RTL4: variants seen among roughly 807,000 people sequenced by gnomAD.
RTL4 encodes retrotransposon Gag like 4.
A neutral mutation model predicts 5.3 loss-of-function variants in RTL4; 4 were observed. The observed-to-expected ratio is 0.75, with a 90% confidence interval of 0.37 to 1.72. The LOEUF is 1.72. Ranked by LOEUF, RTL4 falls within the 40% of genes most tolerant of loss-of-function variation. RTL4 has a pLI of 0.04. For missense variants in RTL4, 260 were observed against 227.1 expected, an observed-to-expected ratio of 1.14 and a Z score of -0.93; for synonymous variants, 98 against 87.3, an observed-to-expected ratio of 1.12 and a Z score of -0.68.
chrX:112,393,147 C>CT, the RTL4 span, among the ~76,000 whole-genome samples: 5,276 of 81,153 alleles, frequency 0.065, 437 homozygotes, highest in African/African-American at 0.23. Context: ...TTCTTTCTTT[C>CT]TTTTTTTTTT....
the RTL4 span, among the ~76,000 whole-genome samples, chrX:112,140,403 A>G: frequency 3.1e-3 from 347 of 112,007 alleles, 2 homozygotes; most frequent in African/African-American, 0.011. Context: ...CTAGAAATGT[A>G]TATGTCTTAG....
chrX:112,188,233 C>A, the RTL4 span, among the ~76,000 whole-genome samples: 2 of 111,455 alleles, frequency 1.8e-5, no homozygotes, highest in Non-Finnish European at 3.8e-5. Flanking sequence ...TGACTCCAAA[C>A]CCTCTGCTCA....
the RTL4 span, among the ~76,000 whole-genome samples, chrX:112,185,402 T>TATATATAC: frequency 6.1e-5 from 6 of 97,889 alleles, no homozygotes; most frequent in Admixed American, 1.1e-4. Context: ...TATATATATA[T>TATATATAC]ACACACACAC....
At chrX:112,373,582 TA>T in the RTL4 span, among the ~76,000 whole-genome samples, 3 of 110,526 alleles carry the variant, frequency 2.7e-5, no homozygotes, top group African/African-American at 9.9e-5. Context: ...AGTATCTTTT[TA>T]AAAAGTCCAA....
chrX:112,445,572 CA>C, the RTL4 span, among the ~76,000 whole-genome samples: 1 of 111,689 alleles, frequency 9.0e-6, no homozygotes, highest in East Asian at 2.8e-4. Flanking sequence ...AACTTAAATC[CA>C]GATCTGACTC....
chrX:112,284,596 C>T, the RTL4 span, among the ~76,000 whole-genome samples: 2 of 111,241 alleles, frequency 1.8e-5, no homozygotes, highest in African/African-American at 3.3e-5. Context: ...ATTCTATGGC[C>T]TTTGGTAGTT....
the RTL4 span, among the ~76,000 whole-genome samples, chrX:112,316,484 C>T: frequency 9.0e-6 from 1 of 111,405 alleles, no homozygotes; most frequent in Admixed American, 9.6e-5. Flanking sequence ...TTAATGGGGA[C>T]AATGTTTCCT....
the RTL4 span, among the ~76,000 whole-genome samples, chrX:112,310,880 A>G: frequency 1.1e-5 from 1 of 93,417 alleles, no homozygotes; most frequent in Non-Finnish European, 2.1e-5. Context: ...TATATAAAAT[A>G]TATGTATGTA....
At chrX:112,294,867 C>CT in the RTL4 span, among the ~76,000 whole-genome samples, 1 of 111,650 alleles carries the variant, frequency 9.0e-6, no homozygotes, top group Middle Eastern at 4.6e-3. Context: ...TAGATGACCT[C>CT]TTTTTAATAA....
the RTL4 span, among the ~76,000 whole-genome samples, chrX:112,399,649 G>A: frequency 1.7e-4 from 19 of 111,092 alleles, no homozygotes; most frequent in African/African-American, 5.2e-4. Context: ...TGAGTTAGGC[G>A]ATAAGAAAAG....
the RTL4 span, among the ~76,000 whole-genome samples, chrX:112,382,526 A>G: frequency 2.7e-5 from 3 of 112,311 alleles, 1 homozygote; most frequent in Admixed American, 2.8e-4. Flanking sequence ...AAAGGAAACC[A>G]ACCTAAGGAG....
the RTL4 span, among the ~76,000 whole-genome samples, chrX:112,201,186 C>T: frequency 1.8e-5 from 2 of 110,533 alleles, no homozygotes; most frequent in Non-Finnish European, 3.8e-5. Context: ...CATCAGGTTT[C>T]GTAAGAACTC....
chrX:112,200,409 A>T, the RTL4 span, among the ~76,000 whole-genome samples: 1 of 112,204 alleles, frequency 8.9e-6, no homozygotes, highest in Non-Finnish European at 1.9e-5. Context: ...ATTTATTATC[A>T]TGTGTCCCCA....
At chrX:112,350,171 G>A in the RTL4 span, among the ~76,000 whole-genome samples, 1 of 111,035 alleles carries the variant, frequency 9.0e-6, no homozygotes, top group African/African-American at 3.3e-5. Context: ...TACGTTTATT[G>A]ATTTGCGTAT....
the RTL4 span, among the ~76,000 whole-genome samples, chrX:112,376,474 C>T: frequency 1.8e-5 from 2 of 111,481 alleles, no homozygotes; most frequent in African/African-American, 6.5e-5. Context: ...CTGAAACTCT[C>T]CTCCACTAAA....
chrX:112,352,701 C>T, the RTL4 span, among the ~76,000 whole-genome samples: 12 of 85,721 alleles, frequency 1.4e-4, no homozygotes, highest in African/African-American at 7.0e-4. Context: ...TAAAGACTTA[C>T]ATGTTGGCCT....
chrX:112,209,404 G>T, the RTL4 span, among the ~76,000 whole-genome samples: 3 of 112,211 alleles, frequency 2.7e-5, no homozygotes. Flanking sequence ...CAACTGGGAA[G>T]ATTTCCCTAC....
At chrX:112,085,187 A>G in the RTL4 span, among the ~76,000 whole-genome samples, 1 of 111,699 alleles carries the variant, frequency 9.0e-6, no homozygotes, top group African/African-American at 3.3e-5. Flanking sequence ...CTGAGTGTGT[A>G]TGTCTCCCAG....
At chrX:112,398,810 T>G in the RTL4 span, among the ~76,000 whole-genome samples, 1 of 112,227 alleles carries the variant, frequency 8.9e-6, no homozygotes, top group Non-Finnish European at 1.9e-5. Context: ...GATATCAGAG[T>G]AATGCTAGCC....
Sources: gnomAD v4.1 joint callset for allele counts (sites outside exome capture counted in the v4.1 genomes callset) on GRCh38, gnomAD v4.1.1 for gene constraint, MANE v1.5 for transcripts, NCBI Gene and HGNC (gene_info 2026-07-23, HGNC 2026-07-21) for gene names.